PLSCR5: variants seen among roughly 807,000 people sequenced by gnomAD.
PLSCR5 encodes phospholipid scramblase family member 5, also known as phospholipid scramblase family, member 5.
A neutral mutation model predicts 33.6 loss-of-function variants in PLSCR5; 44 were observed. The ratio of observed to expected loss-of-function variants is 1.31; its 90% CI spans 1.03 to 1.69. The LOEUF is 1.69. PLSCR5 is among the 40% of genes most tolerant of loss of function. The pLI, the probability that PLSCR5 is intolerant of heterozygous loss-of-function variation, is 0.00. For missense variants in PLSCR5, 375 were observed against 318.7 expected, an observed-to-expected ratio of 1.18 and a Z score of -1.34; for synonymous variants, 148 against 112.3, an observed-to-expected ratio of 1.32 and a Z score of -2.01.
At chr3:146,588,249 T>A (rs1375655773) in intron 6 of PLSCR5, among the ~76,000 whole-genome samples, 1 of 152,032 alleles carries the variant, frequency 6.6e-6, no homozygotes, top group Non-Finnish European at 1.5e-5. Flanking sequence ...AGCGGGTGGA[T>A]CACGAGGTCA....
At chr3:146,579,472 C>G (rs958114364) in intron 7 of PLSCR5, among the ~76,000 whole-genome samples, 10 of 151,970 alleles carry the variant, frequency 6.6e-5, no homozygotes, top group Admixed American at 6.6e-4. Context: ...GTCCATAAAC[C>G]TCTAATTAAG....
intron 6 of PLSCR5, among the ~76,000 whole-genome samples, chr3:146,587,168 T>G (rs1420469898): frequency 1.3e-5 from 2 of 152,136 alleles, no homozygotes; most frequent in Non-Finnish European, 2.9e-5. Flanking sequence ...TGGGGTGGGA[T>G]CTGAGATTCT....
chr3:146,577,755 T>C (rs1428974230), intron 7 of PLSCR5, among the ~76,000 whole-genome samples: 1 of 152,112 alleles, frequency 6.6e-6, no homozygotes, highest in Non-Finnish European at 1.5e-5. Context: ...ACACACAAAA[T>C]TGATGTGTTT....
rs540288739 is a variant in PLSCR5, at chr3:146,588,305, C to T, written c.777+1348G>A. Among the ~76,000 whole-genome samples the T allele has an allele frequency of 3.5e-4, 53 of 151,968 alleles. 1 individual carries two copies. The highest frequency in any genetic ancestry group is 2.6e-3 in the Admixed American group (39 of 15,246). On this transcript the variant is annotated intron_variant, in intron 6 of 7. Transcript: ENST00000443512. ...CTAACACAGTGAAACCCCATCTCTA[C>T]TAAAAATACAAAAAAATTAGCCGGG...
intron 1 of PLSCR5, among the ~76,000 whole-genome samples, chr3:146,604,825 T>C (rs1434845597): frequency 1.3e-5 from 2 of 152,154 alleles, no homozygotes; most frequent in African/African-American, 4.8e-5. Flanking sequence ...AATTGCACTT[T>C]AACACTTTCT....
chr3:146,580,990 T>A (rs2044629835), downstream of PLSCR5, among the ~76,000 whole-genome samples: 1 of 152,186 alleles, frequency 6.6e-6, no homozygotes, highest in African/African-American at 2.4e-5. Flanking sequence ...AAAACTAGTA[T>A]TAAACCTGCT....
At chr3:146,592,311 A>AT (rs148347410) in intron 4 of PLSCR5, among the ~76,000 whole-genome samples, 43,323 of 151,822 alleles carry the variant, frequency 0.29, 6,349 homozygotes, top group African/African-American at 0.36. Context: ...GAGTATTCAT[A>AT]TTTTTTCTCT....
In PLSCR5 at chr3:146,600,470, G is replaced by C. The variant is rs769899214; in HGVS notation, c.14-7C>G. The C allele has an allele frequency of 6.4e-7, 1 of 1,567,792 alleles. No individual in the cohort carries two copies. The highest frequency in any genetic ancestry group is 8.7e-7 in the Non-Finnish European group (1 of 1,154,120). On this transcript the variant is annotated splice_polypyrimidine_tract_variant and splice_region_variant and intron_variant, in intron 1 of 7. Coordinates refer to ENST00000443512, the MANE Select transcript of PLSCR5 (RefSeq NM_001085420.2). The stretch of plus-strand genomic sequence containing the variant: ...CTTCTTTGGTTCTGGGCATCTGCAA[G>C]AGAATGGAAATCCCAATCCATATTT...
In PLSCR5 at chr3:146,605,084, A is replaced by C. The variant is rs11715426; in HGVS notation, c.13+116T>G. On this transcript the variant is annotated intron_variant, in intron 1 of 7. Coordinates refer to ENST00000443512, the MANE Select transcript of PLSCR5 (RefSeq NM_001085420.2). ...AAGATTTTAAAATCACAATGTTCAA[A>C]AGTGACAAATGACAGCTTTTAAAGT... The C allele has an allele frequency of 3.0e-3, 3,308 of 1,085,876 alleles. 14 individuals are homozygous for C. The highest frequency in any genetic ancestry group is 2.9e-3 in the Non-Finnish European group (2,264 of 770,870). 67.3% of individuals were successfully genotyped at this position (1,085,876 alleles called of 1,614,324 possible).
chr3:146,605,062 A>T, intron 1 of PLSCR5, 138 bp downstream of exon 1: 10 of 871,040 alleles, frequency 1.1e-5, no homozygotes, highest in Non-Finnish European at 1.7e-5. Flanking sequence ...GGGAGTTAAG[A>T]TTTTAAAATC....
chr3:146,601,543 G>A (rs1323038721), intron 1 of PLSCR5, among the ~76,000 whole-genome samples: 1 of 152,138 alleles, frequency 6.6e-6, no homozygotes, highest in Non-Finnish European at 1.5e-5. Flanking sequence ...ATGAAGACAA[G>A]TAAATCAGAT....
At chr3:146,592,061 A>G (rs2044720649) in intron 4 of PLSCR5, among the ~76,000 whole-genome samples, 180 bp from the exon 5 acceptor site, 1 of 152,084 alleles carries the variant, frequency 6.6e-6, no homozygotes, top group South Asian at 2.1e-4. Flanking sequence ...CAGAAAACAA[A>G]GAAATTCACT....
rs2044718905 is a variant in PLSCR5, at chr3:146,591,864, A to T, written c.471T>A (p.Pro157=). Residue 157 remains proline (P), a synonymous_variant, in exon 5 of 8, where the codon CCT becomes CCA. Transcript: ENST00000443512. ...CYLQELEIQA[P]PGTIVGYVTQ... The stretch of plus-strand genomic sequence containing the variant: ...TAACGTAACCAACTATAGTACCAGG[A>T]GGGGCTTGGATTTCTAACTGTAAGA... 4 of 1,605,668 alleles carry T rather than the reference A, an allele frequency of 2.5e-6. No individual in the cohort carries two copies. Among genetic ancestry groups the T allele is most frequent in the Non-Finnish European group, 3.4e-6 (4 of 1,176,264 alleles).
At chr3:146,589,884 T>C in intron 5 of PLSCR5, 70 bp from the exon 6 acceptor site, 1 of 987,794 alleles carries the variant, frequency 1.0e-6, no homozygotes, top group Non-Finnish European at 1.4e-6. Context: ...CTGAGGGTGT[T>C]TACTTCATGA....
chr3:146,598,115 A>G (rs566298180), intron 2 of PLSCR5, among the ~76,000 whole-genome samples: 2 of 152,290 alleles, frequency 1.3e-5, no homozygotes, highest in African/African-American at 4.8e-5. Context: ...AAGATTCTCA[A>G]TAGTAATTGG....
At chr3:146,580,454 CTTTTTTTTTTTTTT>C (rs1170556618) in intron 7 of PLSCR5, among the ~76,000 whole-genome samples, 3 of 60,554 alleles carry the variant, frequency 5.0e-5, no homozygotes, top group South Asian at 6.4e-4. Flanking sequence ...TTTGAATTTG[CTTTTTTTTTTTTTT>C]TTTTTTTTTT....
chr3:146,585,865 T>C lies in PLSCR5; in HGVS notation c.*122A>G, dbSNP rs2044661783. Reference sequence around the variant, plus strand: ...CCTCATTAAACTGTTTTAATAAATATAATAATTAACATTTTTTTTTAACAA... The same window carrying C: ...CCTCATTAAACTGTTTTAATAAATACAATAATTAACATTTTTTTTTAACAA... On this transcript the variant is annotated 3_prime_UTR_variant, in exon 8 of 8. Transcript: ENST00000443512. 2 of 415,840 alleles carry C rather than the reference T, an allele frequency of 4.8e-6. No homozygotes were observed. Among genetic ancestry groups the C allele is most frequent in the African/African-American group, 2.2e-5 (1 of 46,478 alleles). 25.8% of individuals were successfully genotyped at this position (415,840 alleles called of 1,614,324 possible). A position where few individuals can be genotyped will look rare whatever the true frequency, so the allele number is the denominator to read the frequency against.
downstream of PLSCR5, among the ~76,000 whole-genome samples, chr3:146,581,519 G>A (rs1326096168): frequency 2.0e-5 from 3 of 152,150 alleles, no homozygotes; most frequent in East Asian, 1.9e-4. Flanking sequence ...CAGGGACAAT[G>A]TACCATTGAA....
At position 146,589,702 on chromosome 3, in the gene PLSCR5, T is replaced by C. The variant is rs976535034; in HGVS notation, c.728A>G (p.Asp243Gly). Residue 243 changes from aspartate to glycine, a missense_variant, in exon 6 of 8, where the codon GAT (aspartate) becomes GGT (glycine). Coordinates refer to ENST00000443512, the MANE Select transcript of PLSCR5 (RefSeq NM_001085420.2). ...TGCTGCTTTGACTGTTACATCTAGA[T>C]CTGCAGGAACATGAATTCCGAAATT... is the stretch of plus-strand genomic sequence containing the variant. ...ADNFGIHVPA[D>G]LDVTVKAAMI... 8 of 1,606,256 alleles carry C rather than the reference T, an allele frequency of 5.0e-6. No individual in the cohort carries two copies. The highest frequency in any genetic ancestry group is 6.8e-6 in the Non-Finnish European group (8 of 1,174,288).
Sources: allele counts gnomAD v4.1 joint callset (sites outside exome capture counted in the v4.1 genomes callset), GRCh38; gene constraint gnomAD v4.1.1; transcripts MANE v1.5; gene names NCBI Gene and HGNC (gene_info 2026-07-23, HGNC 2026-07-21).